The following MGAM2 variants were observed in gnomAD, a reference collection of about 807,000 sequenced individuals.
MGAM2 encodes maltase-glucoamylase 2 (putative), also known as probable maltase-glucoamylase 2.
In MGAM2, 98 loss-of-function variants were observed where a neutral mutation model predicts 96.1. The ratio of observed to expected loss-of-function variants is 1.02; its 90% CI spans 0.87 to 1.21. The LOEUF (loss-of-function observed/expected upper bound fraction) is 1.21, where lower values mean the gene tolerates loss of function less well. Ranked by LOEUF, MGAM2 falls within the 50% of genes most tolerant of loss-of-function variation. The pLI is 0.00. For synonymous variants in MGAM2, 749 were observed against 414.8 expected (o/e 1.81, Z -9.79); for missense variants, 2,055 against 1,182.4 (o/e 1.74, Z -10.82).
intron 32 of MGAM2, among the ~76,000 whole-genome samples, chr7:142,181,554 G>A (rs1242013548): frequency 6.6e-6 from 1 of 152,196 alleles, no homozygotes; most frequent in African/African-American, 2.4e-5. Context: ...TTTGGTGCTT[G>A]AGGGAGCCTC....
chr7:142,131,909 C>T (rs892430453), intron 5 of MGAM2, 22 bp from the exon 6 acceptor site: 6 of 695,636 alleles, frequency 8.6e-6, no homozygotes, highest in Non-Finnish European at 1.3e-5. Flanking sequence ...TGCAGTTGTC[C>T]CTTCTGTTTT....
intron 1 of MGAM2, among the ~76,000 whole-genome samples, chr7:142,114,221 A>AG (rs1311133288): frequency 7.8e-6 from 1 of 127,984 alleles, no homozygotes; most frequent in Non-Finnish European, 1.7e-5. Flanking sequence ...AAAGAGAGAA[A>AG]GAAAGAAAGA....
At position 142,160,232 on chromosome 7, in the gene MGAM2, G is replaced by T. The variant is rs753125179; in HGVS notation, c.2319G>T (p.Gln773His). The T allele has an allele frequency of 1.9e-5, 13 of 702,010 alleles. No homozygotes were observed. Among genetic ancestry groups the T allele is most frequent in the Non-Finnish European group, 3.4e-5 (13 of 384,590 alleles). The allele number at this position is 702,010 out of a possible 1,614,324, so 43.5% of individuals were successfully genotyped here. Reference protein sequence around the residue: ...HLRGGYIFPTQKPNTTTEASR... With the variant: ...HLRGGYIFPTHKPNTTTEASR... ...GAGGGGGCTACATATTTCCCACTCA[G>T]AAGCCAAACACAACCACAGAAGCCA... The change falls in exon 21 of 48, where the codon CAG becomes CAT. Residue 773 changes from glutamine (Q) to histidine (H), a missense_variant. Gln to His is a conservative substitution (Grantham distance 24). Transcript: ENST00000477922.
rs1394408419 is a variant in MGAM2, at chr7:142,189,259, A to G, written c.4208-108A>G. The G allele has an allele frequency of 1.3e-5, 7 of 555,390 alleles. No homozygotes were observed. In the African/African-American group the frequency reaches 1.4e-4, roughly 11 times the overall value. The allele number at this position is 555,390 out of a possible 1,614,324, so 34.4% of individuals were successfully genotyped here. ...AAAACCTCATAAAATTGGGTCTGTT[A>G]CTGGTAACAAAGTTGTTGATTGAAG... On this transcript the variant is annotated intron_variant, in intron 36 of 47. Coordinates refer to ENST00000477922, the MANE Select transcript of MGAM2 (RefSeq NM_001293626.2).
At chr7:142,122,862 G>A (rs564712978) in intron 3 of MGAM2, among the ~76,000 whole-genome samples, 3 of 152,042 alleles carry the variant, frequency 2.0e-5, no homozygotes, top group South Asian at 2.1e-4. Context: ...ATGAAATCTC[G>A]TTCTGTCGCC....
rs1277108646 is a variant in MGAM2, at chr7:142,185,023, A to G, written c.3925-54A>G. The G allele has an allele frequency of 2.7e-5, 19 of 699,210 alleles. No homozygotes were observed. The Admixed American group carries it at 3.2e-4, about 12-fold the overall frequency. The allele number at this position is 699,210 out of a possible 1,614,324, so 43.3% of individuals were successfully genotyped here. A position where few individuals can be genotyped will look rare whatever the true frequency, so the allele number is the denominator to read the frequency against. Reference sequence around the variant, plus strand: ...CAGAGTCTAACACATGAAATATCTCATAGTCTGTATGCAAGGATCTGTAAA... The same window carrying G: ...CAGAGTCTAACACATGAAATATCTCGTAGTCTGTATGCAAGGATCTGTAAA... On this transcript the variant is annotated intron_variant, in intron 33 of 47. Transcript: ENST00000477922.
At chr7:142,179,689 G>C (rs767685650) in intron 32 of MGAM2, among the ~76,000 whole-genome samples, 1 of 151,964 alleles carries the variant, frequency 6.6e-6, no homozygotes, top group South Asian at 2.1e-4. Flanking sequence ...CCAACCTTGC[G>C]TCTCAGGGTT....
chr7:142,130,976 G>A lies in MGAM2; in HGVS notation c.215G>A (p.Cys72Tyr), dbSNP rs1189999835. Residue 72 changes from cysteine to tyrosine, a missense_variant, in exon 4 of 48, where the codon TGC becomes TAC. Physicochemically the swap from Cys to Tyr is radical, Grantham distance 194. Coordinates refer to ENST00000477922, the MANE Select transcript of MGAM2 (RefSeq NM_001293626.2). ...ATCTGCAGATGGCAATATAAGTGCT[G>A]CTGGTCGCCTGTGGCAGATGCCAAT... ...EDICRWQYKCCWSPVADANVP... is the reference protein window; with the variant it reads ...EDICRWQYKCYWSPVADANVP... 2 of 702,614 alleles carry A rather than the reference G, an allele frequency of 2.8e-6. No homozygotes were observed. Among genetic ancestry groups the A allele is most frequent in the Non-Finnish European group, 5.2e-6 (2 of 385,010 alleles). The allele number at this position is 702,614 out of a possible 1,614,324, so 43.5% of individuals were successfully genotyped here. A position where few individuals can be genotyped will look rare whatever the true frequency, so the allele number is the denominator to read the frequency against.
chr7:142,186,735 A>G (rs918244485), intron 35 of MGAM2, among the ~76,000 whole-genome samples: 4 of 152,330 alleles, frequency 2.6e-5, no homozygotes, highest in African/African-American at 7.2e-5. Flanking sequence ...CCAGCTCTGA[A>G]GAGCTATTCA....
rs1436358996 is a variant in MGAM2, at chr7:142,197,584, A to G, written c.4781+36A>G. The G allele has an allele frequency of 7.1e-6, 5 of 703,030 alleles. No individual in the cohort carries two copies. In the East Asian group the frequency reaches 1.1e-4, roughly 15 times the overall value. 43.5% of individuals were successfully genotyped at this position (703,030 alleles called of 1,614,324 possible). On this transcript the variant is annotated intron_variant, in intron 41 of 47. Coordinates refer to ENST00000477922, the MANE Select transcript of MGAM2 (RefSeq NM_001293626.2). Reference sequence around the variant, plus strand: ...CCTCTTTCCCCAAGCATGTCTTGCAAATAATCCTCTGTAGCAGTCATAAGA... The same window carrying G: ...CCTCTTTCCCCAAGCATGTCTTGCAGATAATCCTCTGTAGCAGTCATAAGA...
chr7:142,196,719 G>C lies in MGAM2; in HGVS notation c.4535G>C (p.Gly1512Ala). Residue 1512 changes from glycine (G) to alanine (A), a missense_variant, in exon 40 of 48, where the codon GGG becomes GCG. Physicochemically the swap from Gly to Ala is moderately conservative, Grantham distance 60. Transcript: ENST00000477922. ...GIPYTGADIC[G>A]FFGDAEYEMC... ...TCTCAGACAGGAGCAGATATCTGTGGGTTCTTTGGAGATGCTGAATATGAG... is the reference window on the plus strand; with the variant it reads ...TCTCAGACAGGAGCAGATATCTGTGCGTTCTTTGGAGATGCTGAATATGAG... The C allele has an allele frequency of 1.3e-6, 1 of 789,114 alleles. No individual in the cohort carries two copies. Among genetic ancestry groups the C allele is most frequent in the South Asian group, 1.3e-5 (1 of 74,646 alleles). 48.9% of individuals were successfully genotyped at this position (789,114 alleles called of 1,614,324 possible).
At chr7:142,123,803 T>A (rs1377921799) in intron 3 of MGAM2, among the ~76,000 whole-genome samples, 1 of 152,088 alleles carries the variant, frequency 6.6e-6, no homozygotes, top group Non-Finnish European at 1.5e-5. Flanking sequence ...CAATGGTTGG[T>A]TCATTTCATA....
At chr7:142,195,890 C>A (rs940055136) in intron 37 of MGAM2, among the ~76,000 whole-genome samples, 1 of 152,106 alleles carries the variant, frequency 6.6e-6, no homozygotes. Flanking sequence ...GCCTCACTCC[C>A]ACCCCTTTCT....
At chr7:142,117,586 C>A (rs1345246276) in intron 2 of MGAM2, among the ~76,000 whole-genome samples, 6 of 152,142 alleles carry the variant, frequency 3.9e-5, no homozygotes, top group Non-Finnish European at 5.9e-5. Context: ...GCTTGACAAG[C>A]TCACTTTACA....
chr7:142,151,293 A>G (rs531171010), intron 15 of MGAM2, among the ~76,000 whole-genome samples: 13 of 152,334 alleles, frequency 8.5e-5, no homozygotes, highest in African/African-American at 2.9e-4. Flanking sequence ...GTTATTTTCC[A>G]GCACTATTTT....
At chr7:142,178,847 T>G (rs1451149502) in intron 32 of MGAM2, among the ~76,000 whole-genome samples, 5 of 152,214 alleles carry the variant, frequency 3.3e-5, no homozygotes, top group Admixed American at 1.3e-4. Flanking sequence ...AATCTATGAA[T>G]TGCTTTGGTT....
Position 142,221,086 on chromosome 7 carries a change from A to T in MGAM2, c.6575A>T (p.Asp2192Val). 1.4e-6 allele frequency: 1 copy of T among 702,520 alleles called. No individual in the cohort carries two copies. Among genetic ancestry groups the T allele is most frequent in the Non-Finnish European group, 2.6e-6 (1 of 384,770 alleles). The allele number at this position is 702,520 out of a possible 1,614,324, so 43.5% of individuals were successfully genotyped here. The change falls in exon 48 of 48, where the codon GAC becomes GTC. Residue 2192 changes from aspartate (D) to valine (V), a missense_variant. Asp to Val is a radical substitution (Grantham distance 152, BLOSUM62 -3). Coordinates refer to ENST00000477922, the MANE Select transcript of MGAM2 (RefSeq NM_001293626.2). ...AIPSLANTGV[D>V]TTSNSFSIMT... ...CCTTCTCTTGCAAATACTGGTGTTG[A>T]CACTACTAGCAACAGTTTTTCCATT...
At chr7:142,168,436 A>AT (rs1425766821) in intron 26 of MGAM2, among the ~76,000 whole-genome samples, 1 of 151,904 alleles carries the variant, frequency 6.6e-6, no homozygotes, top group Non-Finnish European at 1.5e-5. Context: ...CGCCCAGCTA[A>AT]TTTTTTGTAT....
chr7:142,211,098 CCTGA>C (rs1394932939), intron 46 of MGAM2, among the ~76,000 whole-genome samples: 3 of 152,158 alleles, frequency 2.0e-5, no homozygotes, highest in African/African-American at 7.2e-5. Flanking sequence ...AGAAGAGGGG[CCTGA>C]CTATTAGAAG....
Sources: allele counts gnomAD v4.1 joint callset (sites outside exome capture counted in the v4.1 genomes callset), GRCh38; gene constraint gnomAD v4.1.1; transcripts MANE v1.5; gene names NCBI Gene and HGNC (gene_info 2026-07-23, HGNC 2026-07-21).